The following THEMIS variants were observed in gnomAD, a reference collection of about 807,000 sequenced individuals.
THEMIS encodes thymocyte selection associated, also known as protein THEMIS.
Under a neutral mutation model 52.6 loss-of-function variants are expected in THEMIS, and 37 were observed. That is an observed-to-expected ratio of 0.70 (90% CI 0.54 to 0.93). THEMIS has a LOEUF of 0.93. Among genes scored for constraint, THEMIS ranks in the 40% least tolerant of loss-of-function variants. THEMIS has a pLI of 0.00. For synonymous variants in THEMIS, 292 were observed against 272.7 expected (o/e 1.07, Z -0.70); for missense variants, 808 against 763.1 (o/e 1.06, Z -0.69).
chr6:127,719,867 ATG>A, intron 4 of THEMIS, 44 bp from the exon 5 acceptor site: 2 of 1,601,010 alleles, frequency 1.2e-6, no homozygotes, highest in Non-Finnish European at 1.7e-6. Context: ...TCCAAAATAA[ATG>A]CTTCATAGAG....
chr6:127,841,015 A>G (rs1480388430), intron 2 of THEMIS, among the ~76,000 whole-genome samples: 2 of 152,086 alleles, frequency 1.3e-5, no homozygotes, highest in South Asian at 2.1e-4. Context: ...TGACACTATC[A>G]AAGTGGATAT....
intron 4 of THEMIS, among the ~76,000 whole-genome samples, chr6:127,785,917 T>C (rs1183721625): frequency 2.0e-5 from 3 of 152,134 alleles, no homozygotes; most frequent in Admixed American, 1.3e-4. Context: ...TCCCATTTTC[T>C]TTTTCTGACA....
At chr6:127,697,861 T>A in the THEMIS span, among the ~76,000 whole-genome samples, 1 of 152,304 alleles carries the variant, frequency 6.6e-6, no homozygotes, top group African/African-American at 2.4e-5. Context: ...TCCATTCTAC[T>A]ATATATTTTA....
chr6:127,798,770 C>G (rs968441486), intron 4 of THEMIS, among the ~76,000 whole-genome samples: 1 of 151,912 alleles, frequency 6.6e-6, no homozygotes, highest in African/African-American at 2.4e-5. Flanking sequence ...GCGGGCGGAT[C>G]ACGAGGTCAG....
chr6:127,800,086 T>C (rs1446833231), intron 4 of THEMIS, among the ~76,000 whole-genome samples: 1 of 152,214 alleles, frequency 6.6e-6, no homozygotes, highest in Non-Finnish European at 1.5e-5. Flanking sequence ...CTTGGAAAGT[T>C]ATCCATTGTT....
intron 1 of THEMIS, among the ~76,000 whole-genome samples, chr6:127,869,603 A>C (rs935615533): frequency 2.6e-5 from 4 of 152,224 alleles, no homozygotes; most frequent in African/African-American, 7.2e-5. Context: ...ACTTACAGTA[A>C]AGTTTTATTC....
chr6:127,893,702 A>G (rs960141794), intron 1 of THEMIS, among the ~76,000 whole-genome samples: 2 of 152,130 alleles, frequency 1.3e-5, no homozygotes, highest in African/African-American at 2.4e-5. Context: ...AGAACCTCAC[A>G]TGATTTGACA....
chr6:127,763,992 C>T (rs1776109358), intron 4 of THEMIS, among the ~76,000 whole-genome samples: 1 of 151,548 alleles, frequency 6.6e-6, no homozygotes. Flanking sequence ...CTTATAGATT[C>T]CTAAAATCTG....
chr6:127,842,762 T>C (rs1779091497), intron 2 of THEMIS, among the ~76,000 whole-genome samples: 2 of 152,002 alleles, frequency 1.3e-5, no homozygotes, highest in South Asian at 4.1e-4. Context: ...GGGCAAAAGT[T>C]GGCAGTTCGC....
intron 4 of THEMIS, among the ~76,000 whole-genome samples, chr6:127,775,740 C>T (rs1039942112): frequency 6.6e-6 from 1 of 151,824 alleles, no homozygotes; most frequent in Non-Finnish European, 1.5e-5. Flanking sequence ...AGTATTTACT[C>T]TTTAATATCT....
chr6:127,856,319 T>G (rs1421584612), intron 1 of THEMIS, among the ~76,000 whole-genome samples: 1 of 151,980 alleles, frequency 6.6e-6, no homozygotes, highest in Non-Finnish European at 1.5e-5. Flanking sequence ...ACAACAACTC[T>G]GAGGTCATAT....
intron 1 of THEMIS, among the ~76,000 whole-genome samples, chr6:127,861,783 C>CAAAAAAAAAA (rs1225783673): frequency 7.9e-4 from 76 of 95,652 alleles, no homozygotes; most frequent in African/African-American, 1.7e-3. Flanking sequence ...GACTCCATCT[C>CAAAAAAAAAA]AAAAAAAAAA....
chr6:127,702,431 T>C, the THEMIS span, among the ~76,000 whole-genome samples: 1 of 152,212 alleles, frequency 6.6e-6, no homozygotes, highest in African/African-American at 2.4e-5. Context: ...ACTTCACTTC[T>C]GCCTTGCATC....
intron 1 of THEMIS, among the ~76,000 whole-genome samples, chr6:127,895,091 G>A (rs146471045): frequency 1.5e-3 from 223 of 150,708 alleles, no homozygotes; most frequent in African/African-American, 5.0e-3. Context: ...ACACACTAAA[G>A]AAAGTAAATC....
intron 4 of THEMIS, among the ~76,000 whole-genome samples, chr6:127,728,488 C>T (rs773139302): frequency 3.9e-5 from 6 of 152,100 alleles, no homozygotes; most frequent in Non-Finnish European, 8.8e-5. Context: ...CTTTGCACAT[C>T]GTGACTTACC....
At chr6:127,787,884 G>GATAGAT (rs1554224623) in intron 4 of THEMIS, among the ~76,000 whole-genome samples, 115 of 133,048 alleles carry the variant, frequency 8.6e-4, no homozygotes, top group Middle Eastern at 7.3e-3. Context: ...GATAGATATA[G>GATAGAT]ATAGATAGAT....
chr6:127,821,216 T>A (rs1272648934), intron 3 of THEMIS, among the ~76,000 whole-genome samples: 2 of 151,656 alleles, frequency 1.3e-5, no homozygotes, highest in East Asian at 3.9e-4. Context: ...AAACAAGCAT[T>A]TGTTATTTTA....
intron 4 of THEMIS, among the ~76,000 whole-genome samples, chr6:127,747,025 T>G (rs1775451366): frequency 2.4e-5 from 1 of 41,676 alleles, no homozygotes; most frequent in East Asian, 8.2e-4. Flanking sequence ...TATAATTATA[T>G]ATAGATATAA....
At chr6:127,895,935 T>C (rs1355807526) in intron 1 of THEMIS, among the ~76,000 whole-genome samples, 5 of 151,360 alleles carry the variant, frequency 3.3e-5, no homozygotes, top group Admixed American at 1.3e-4. Flanking sequence ...GCCAATATTA[T>C]TCCCTAAAAG....
Sources: gnomAD v4.1 joint callset for allele counts (sites outside exome capture counted in the v4.1 genomes callset) on GRCh38, gnomAD v4.1.1 for gene constraint, MANE v1.5 for transcripts, NCBI Gene and HGNC (gene_info 2026-07-23, HGNC 2026-07-21) for gene names.